Variants in GBF1 observed in about 807,000 individuals in gnomAD.
The protein encoded by GBF1 is golgi brefeldin A resistant guanine nucleotide exchange factor 1.
GBF1 carries 114 observed loss-of-function variants against 210.5 expected under a neutral mutation model. The ratio of observed to expected loss-of-function variants is 0.54; its 90% CI spans 0.47 to 0.63. The LOEUF (loss-of-function observed/expected upper bound fraction) is 0.63. GBF1 is among the 30% of genes least tolerant of loss of function. The pLI is 0.00. For synonymous variants in GBF1, 850 were observed against 889.2 expected (o/e 0.96, Z 0.78); for missense variants, 1,851 against 2,357.7 (o/e 0.79, Z 4.45).
chr10:102,314,673 T>C (rs2134037860), intron 3 of GBF1, among the ~76,000 whole-genome samples: 1 of 152,348 alleles, frequency 6.6e-6, no homozygotes, highest in East Asian at 1.9e-4. Flanking sequence ...GGAGTAGCCA[T>C]GCCTGCCATA....
At position 102,361,011 on chromosome 10, in the gene GBF1, C is replaced by A; in HGVS notation, c.1393-11C>A. ...AAAAAAACTCATGGCCTACCCTGCTCTCATCTCCAGCTACTCAGCATAGAG... is the reference window on the plus strand; with the variant it reads ...AAAAAAACTCATGGCCTACCCTGCTATCATCTCCAGCTACTCAGCATAGAG... On this transcript the variant is annotated splice_polypyrimidine_tract_variant and intron_variant, in intron 12 of 39. Transcript: ENST00000369983. 4 of 1,346,414 alleles carry A rather than the reference C, an allele frequency of 3.0e-6. No homozygotes were observed. The highest frequency in any genetic ancestry group is 4.3e-6 in the Non-Finnish European group (4 of 936,796). 83.4% of individuals were successfully genotyped at this position (1,346,414 alleles called of 1,614,324 possible).
Position 102,380,072 on chromosome 10 carries a change from T to C in GBF1, c.4878+118T>C, listed in dbSNP as rs1589839595. On this transcript the variant is annotated intron_variant, in intron 36 of 39. Transcript: ENST00000369983. Reference sequence around the variant, plus strand: ...CTGTAGGTGCTCACAACCCCCCAGCTATGGACACTAAGCAGGACCTAGGGA... The same window carrying C: ...CTGTAGGTGCTCACAACCCCCCAGCCATGGACACTAAGCAGGACCTAGGGA... 5 of 755,462 alleles carry C rather than the reference T, an allele frequency of 6.6e-6. No individual in the cohort carries two copies. In the East Asian group the frequency reaches 1.3e-4, roughly 20 times the overall value. 46.8% of individuals were successfully genotyped at this position (755,462 alleles called of 1,614,324 possible). A position where few individuals can be genotyped will look rare whatever the true frequency, so the allele number is the denominator to read the frequency against.
At chr10:102,300,444 T>C (rs2077245725) in intron 3 of GBF1, among the ~76,000 whole-genome samples, 1 of 152,140 alleles carries the variant, frequency 6.6e-6, no homozygotes, top group Non-Finnish European at 1.5e-5. Context: ...ACACTAGCAG[T>C]GAAAAAGAGG....
intron 3 of GBF1, among the ~76,000 whole-genome samples, chr10:102,329,715 G>A (rs543640840): frequency 5.3e-4 from 80 of 152,120 alleles, no homozygotes; most frequent in African/African-American, 1.0e-3. Flanking sequence ...CACCTGCCTC[G>A]GCCTCCCAAA....
At chr10:102,292,994 C>T (rs1342404938) in intron 3 of GBF1, among the ~76,000 whole-genome samples, 2 of 152,034 alleles carry the variant, frequency 1.3e-5, no homozygotes, top group African/African-American at 2.4e-5. Flanking sequence ...CCAAAATCTT[C>T]GTATTTCTTT....
intron 14 of GBF1, 138 bp downstream of exon 14, chr10:102,362,050 CTT>C (rs1164670758): frequency 0.048 from 5,879 of 123,670 alleles, 10 homozygotes; most frequent in South Asian, 0.11. Context: ...CTTTTCTTTT[CTT>C]TTTTTTTTTT....
intron 3 of GBF1, among the ~76,000 whole-genome samples, chr10:102,336,431 C>G (rs930057023): frequency 6.6e-6 from 1 of 151,816 alleles, no homozygotes; most frequent in Non-Finnish European, 1.5e-5. Flanking sequence ...ACACTTTATT[C>G]CATGCATTGT....
At chr10:102,234,712 GA>G in the GBF1 span, among the ~76,000 whole-genome samples, 2 of 152,122 alleles carry the variant, frequency 1.3e-5, no homozygotes, top group Non-Finnish European at 2.9e-5. Context: ...AGAGGCCATG[GA>G]AGCAACATGG....
At chr10:102,239,403 T>C in the GBF1 span, among the ~76,000 whole-genome samples, 119 of 152,366 alleles carry the variant, frequency 7.8e-4, no homozygotes, top group Non-Finnish European at 1.2e-3. Flanking sequence ...ACAGAGTCCT[T>C]CATTTCACCT....
rs756702754 is a variant in GBF1, at chr10:102,260,059, C to G, written c.106C>G (p.Arg36Gly). Reference sequence around the variant, plus strand: ...TCTATGTGTTCTACAGGATGAAGAACGGGATCCTCTGCTGCATAGTTTCGG... The same window carrying G: ...TCTATGTGTTCTACAGGATGAAGAAGGGGATCCTCTGCTGCATAGTTTCGG... The part of the protein sequence containing the change: ...WSTHTPLDEE[R>G]DPLLHSFGHL... Residue 36 changes from arginine to glycine, a missense_variant, in exon 3 of 40, where the codon CGG becomes GGG. Physicochemically the swap from Arg to Gly is moderately radical, Grantham distance 125 (BLOSUM62 -2). Transcript: ENST00000369983. 1.9e-6 allele frequency: 3 copies of G among 1,583,680 alleles called. No homozygotes were observed. The South Asian group carries it at 3.3e-5, about 18-fold the overall frequency.
At chr10:102,285,599 T>C (rs1019086645) in intron 3 of GBF1, among the ~76,000 whole-genome samples, 1 of 152,222 alleles carries the variant, frequency 6.6e-6, no homozygotes. Flanking sequence ...TTTTAGTCTC[T>C]CAGTTTCTAC....
At chr10:102,258,239 C>T (rs1381962921) in intron 1 of GBF1, among the ~76,000 whole-genome samples, 1 of 147,704 alleles carries the variant, frequency 6.8e-6, no homozygotes, top group African/African-American at 2.5e-5. Flanking sequence ...CACACAACCT[C>T]TGCCTCCCAG....
chr10:102,236,334 G>A, the GBF1 span, among the ~76,000 whole-genome samples: 2 of 152,238 alleles, frequency 1.3e-5, no homozygotes, highest in African/African-American at 4.8e-5. Context: ...AAATGCCCAG[G>A]CAGGGACAGA....
At chr10:102,299,245 A>C (rs2077142579) in intron 3 of GBF1, among the ~76,000 whole-genome samples, 1 of 152,234 alleles carries the variant, frequency 6.6e-6, no homozygotes, top group African/African-American at 2.4e-5. Flanking sequence ...GAATGATTCC[A>C]GTTACATAGC....
At chr10:102,258,343 A>G (rs1164671830) in intron 1 of GBF1, among the ~76,000 whole-genome samples, 1 of 150,798 alleles carries the variant, frequency 6.6e-6, no homozygotes, top group East Asian at 2.0e-4. Context: ...TTTAGTGGAG[A>G]GAGGGTTTCT....
At chr10:102,365,956 A>C (rs1440242843) in intron 18 of GBF1, among the ~76,000 whole-genome samples, 1 of 152,158 alleles carries the variant, frequency 6.6e-6, no homozygotes. Context: ...TGGCTCAAAA[A>C]AAAAAAAGGT....
chr10:102,355,527 GGGCTGA>G (rs1224839449), intron 8 of GBF1, among the ~76,000 whole-genome samples: 1 of 152,210 alleles, frequency 6.6e-6, no homozygotes, highest in Non-Finnish European at 1.5e-5. Flanking sequence ...TACCTTTTAA[GGGCTGA>G]GGCATTCGTG....
chr10:102,344,315 A>G (rs1045821915), intron 4 of GBF1, 133 bp downstream of exon 4: 3 of 756,000 alleles, frequency 4.0e-6, no homozygotes, highest in Middle Eastern at 5.3e-4. Context: ...TAGAAGAGAA[A>G]TAGGATTGTT....
intron 3 of GBF1, among the ~76,000 whole-genome samples, chr10:102,330,590 G>T (rs2057266804): frequency 6.6e-6 from 1 of 152,020 alleles, no homozygotes; most frequent in Non-Finnish European, 1.5e-5. Flanking sequence ...GGAGGCTGAG[G>T]CAGGAGAATC....
Sources: gnomAD v4.1 joint callset for allele counts (sites outside exome capture counted in the v4.1 genomes callset) on GRCh38, gnomAD v4.1.1 for gene constraint, MANE v1.5 for transcripts, NCBI Gene and HGNC (gene_info 2026-07-23, HGNC 2026-07-21) for gene names.